Variants in GCNT1 observed in about 807,000 individuals in gnomAD.
GCNT1 encodes the protein glucosaminyl (N-acetyl) transferase 1, also known as beta-1,3-galactosyl-O-glycosyl-glycoprotein beta-1,6-N-acetylglucosaminyltransferase.
Under a neutral mutation model 26.2 loss-of-function variants are expected in GCNT1, and 16 were observed. That is an observed-to-expected ratio of 0.61 (90% CI 0.41 to 0.93). The LOEUF (loss-of-function observed/expected upper bound fraction) is 0.93. GCNT1 is among the 40% of genes least tolerant of loss of function. The probability of loss-of-function intolerance (pLI) is 0.00; values close to 1 mark genes in which losing one functional copy is unlikely to be tolerated. For synonymous variants in GCNT1, 183 were observed against 190.8 expected (o/e 0.96, Z 0.34); for missense variants, 477 against 526.7 (o/e 0.91, Z 0.92).
chr9:76,427,427 G>A (rs1051070287), intron 1 of GCNT1, among the ~76,000 whole-genome samples: 4 of 152,006 alleles, frequency 2.6e-5, no homozygotes, highest in African/African-American at 7.2e-5. Flanking sequence ...CGATCTGCCC[G>A]CCTCAGCCCC....
chr9:76,461,327 TCA>T (rs1823866054), intron 2 of GCNT1, among the ~76,000 whole-genome samples: 1 of 151,998 alleles, frequency 6.6e-6, no homozygotes, highest in South Asian at 2.1e-4. Flanking sequence ...GCGCAGTGGC[TCA>T]CACCTGTAAT....
chr9:76,504,391 T>A lies in GCNT1; in HGVS notation c.*723T>A, dbSNP rs1400766292. 2 of 190,830 alleles carry A rather than the reference T, an allele frequency of 1.0e-5. No homozygotes were observed. Among genetic ancestry groups the A allele is most frequent in the African/African-American group, 2.4e-5 (1 of 42,518 alleles). The allele number at this position is 190,830 out of a possible 1,614,324, so 11.8% of individuals were successfully genotyped here. A position where few individuals can be genotyped will look rare whatever the true frequency, so the allele number is the denominator to read the frequency against. ...GGTTAAGACATCTTTTTTAAAAAAA[T>A]TATAGCTTCTACCAAGAGAAACACT... is the stretch of plus-strand genomic sequence containing the variant. On this transcript the variant is annotated 3_prime_UTR_variant, in exon 4 of 4. Coordinates refer to ENST00000376730, the MANE Select transcript of GCNT1 (RefSeq NM_001490.5).
chr9:76,395,602 GAGA>G, the GCNT1 span, among the ~76,000 whole-genome samples: 3 of 151,562 alleles, frequency 2.0e-5, no homozygotes, highest in African/African-American at 7.3e-5. Context: ...AAAAGAACTA[GAGA>G]AGAAGAAGGA....
At chr9:76,394,027 C>A in the GCNT1 span, 2 of 1,488,422 alleles carry the variant, frequency 1.3e-6, no homozygotes, top group South Asian at 1.2e-5. Flanking sequence ...AAGTCCCCGG[C>A]TGCCGTCTCT....
Position 76,503,700 on chromosome 9 carries a change from G to A in GCNT1, c.*32G>A. On this transcript the variant is annotated 3_prime_UTR_variant, in exon 4 of 4. Coordinates refer to ENST00000376730, the MANE Select transcript of GCNT1 (RefSeq NM_001490.5). Reference sequence around the variant, plus strand: ...CGGGCAATTTTATGAACAAGAAGAAGGATACACAAAACGTACCCTTATCTG... The same window carrying A: ...CGGGCAATTTTATGAACAAGAAGAAAGATACACAAAACGTACCCTTATCTG... The A allele has an allele frequency of 6.5e-7, 1 of 1,541,668 alleles. No homozygotes were observed. The highest frequency in any genetic ancestry group is 1.1e-5 in the South Asian group (1 of 89,326).
chr9:76,441,169 G>C (rs139819483), upstream of GCNT1, among the ~76,000 whole-genome samples: 469 of 151,890 alleles, frequency 3.1e-3, 3 homozygotes, highest in African/African-American at 0.011. Flanking sequence ...TGTTTGAGAC[G>C]AAGTCTTGCT....
At chr9:76,409,628 T>C in the GCNT1 span, among the ~76,000 whole-genome samples, 3 of 152,022 alleles carry the variant, frequency 2.0e-5, no homozygotes, top group Non-Finnish European at 4.4e-5. Context: ...GTGTTTTTAG[T>C]AGAGACGGAG....
chr9:76,447,151 CAAAA>C (rs532132124), intron 1 of GCNT1, among the ~76,000 whole-genome samples: 153 of 35,980 alleles, frequency 4.3e-3, no homozygotes, highest in East Asian at 0.037. Flanking sequence ...AACCCTGTGT[CAAAA>C]AAAAAAAAAA....
chr9:76,454,842 CTTTTT>C (rs1183951605), upstream of GCNT1, among the ~76,000 whole-genome samples: 28 of 105,644 alleles, frequency 2.7e-4, no homozygotes, highest in African/African-American at 3.7e-4. Context: ...CTTTTCTTTT[CTTTTT>C]TTTTTTTTTT....
At chr9:76,467,511 A>C (rs1021192250) in intron 2 of GCNT1, among the ~76,000 whole-genome samples, 2 of 152,116 alleles carry the variant, frequency 1.3e-5, no homozygotes, top group Admixed American at 1.3e-4. Flanking sequence ...CCTGACACCC[A>C]GGTCAAACTC....
chr9:76,481,368 T>A (rs975174873), intron 2 of GCNT1, among the ~76,000 whole-genome samples: 1 of 151,668 alleles, frequency 6.6e-6, no homozygotes. Flanking sequence ...GAATTCTGCC[T>A]GATATACATT....
chr9:76,497,422 G>C (rs559698795), intron 2 of GCNT1, among the ~76,000 whole-genome samples: 1 of 152,030 alleles, frequency 6.6e-6, no homozygotes, highest in African/African-American at 2.4e-5. Context: ...CAATTCCTTC[G>C]AATGATTTGA....
chr9:76,453,333 A>G (rs1823703769), intron 1 of GCNT1, among the ~76,000 whole-genome samples: 2 of 152,316 alleles, frequency 1.3e-5, no homozygotes, highest in South Asian at 2.1e-4. Flanking sequence ...ATTCAAGGCA[A>G]CAAAAGAGAA....
chr9:76,478,626 C>T (rs991619449), intron 2 of GCNT1, among the ~76,000 whole-genome samples: 6 of 152,128 alleles, frequency 3.9e-5, no homozygotes, highest in East Asian at 1.9e-4. Context: ...AGCATAATGC[C>T]TTCAGGATTC....
At chr9:76,395,620 AGGGAAGGGAAAGGAAAG>A in the GCNT1 span, among the ~76,000 whole-genome samples, 1 of 151,966 alleles carries the variant, frequency 6.6e-6, no homozygotes, top group Non-Finnish European at 1.5e-5. Context: ...GAAGGAAGGG[AGGGAAGGGAAAGGAAAG>A]GGGAAGGGAA....
At chr9:76,400,670 G>T in the GCNT1 span, among the ~76,000 whole-genome samples, 1 of 152,152 alleles carries the variant, frequency 6.6e-6, no homozygotes, top group Non-Finnish European at 1.5e-5. Flanking sequence ...ATATAAACAG[G>T]CTTCCTAGCA....
chr9:76,460,568 T>A (rs1365729152), intron 2 of GCNT1, among the ~76,000 whole-genome samples: 3 of 152,238 alleles, frequency 2.0e-5, no homozygotes, highest in Non-Finnish European at 4.4e-5. Context: ...CAGGCCCCCC[T>A]GCTGGAGGCT....
chr9:76,464,048 T>G lies in GCNT1; in HGVS notation c.-290+3871T>G, dbSNP rs564632745. Among the ~76,000 whole-genome samples the G allele has an allele frequency of 1.2e-4, 18 of 151,438 alleles. No homozygotes were observed. The East Asian group carries it at 3.3e-3, about 28-fold the overall frequency. On this transcript the variant is annotated intron_variant, in intron 2 of 3. Transcript: ENST00000376730. The stretch of plus-strand genomic sequence containing the variant: ...CCCATCTCTTTTTTTGTTTTTTTTT[T>G]TTTTTGTAAAAATAATAATAAAAAA...
chr9:76,455,468 T>C (rs1296200346), upstream of GCNT1, among the ~76,000 whole-genome samples: 1 of 152,190 alleles, frequency 6.6e-6, no homozygotes, highest in African/African-American at 2.4e-5. Flanking sequence ...CCTAAGTCAT[T>C]TGGGGAAAGG....
Sources: gnomAD v4.1 joint callset for allele counts (sites outside exome capture counted in the v4.1 genomes callset) on GRCh38, gnomAD v4.1.1 for gene constraint, MANE v1.5 for transcripts, NCBI Gene and HGNC (gene_info 2026-07-23, HGNC 2026-07-21) for gene names.